RERE: variants seen among roughly 807,000 people sequenced by gnomAD.
RERE encodes arginine-glutamic acid dipeptide repeats.
Under a neutral mutation model 146.1 loss-of-function variants are expected in RERE, and 40 were observed. The ratio of observed to expected loss-of-function variants is 0.27; its 90% CI spans 0.21 to 0.36. RERE has a LOEUF of 0.36. Ranked by LOEUF, RERE falls within the 10% of genes least tolerant of loss-of-function variation. RERE has a pLI of 1.00. For synonymous variants in RERE, 1,003 were observed against 866.0 expected (o/e 1.16, Z -2.78); for missense variants, 1,933 against 2,138.7 (o/e 0.90, Z 1.90).
At chr1:8,457,137 G>GT (rs1409554488) in intron 11 of RERE, among the ~76,000 whole-genome samples, 1 of 152,142 alleles carries the variant, frequency 6.6e-6, no homozygotes, top group Non-Finnish European at 1.5e-5. Context: ...GAGAAACTTG[G>GT]TAAGTAGGAA....
At chr1:8,435,376 C>T (rs1174756501) in intron 11 of RERE, among the ~76,000 whole-genome samples, 2 of 152,228 alleles carry the variant, frequency 1.3e-5, no homozygotes, top group Non-Finnish European at 2.9e-5. Flanking sequence ...TGGTTCAGTA[C>T]AAGAATGTAT....
chr1:8,451,107 A>G (rs986613630), intron 11 of RERE, among the ~76,000 whole-genome samples: 1 of 152,192 alleles, frequency 6.6e-6, no homozygotes, highest in Admixed American at 6.5e-5. Context: ...CTGGGGCTTA[A>G]CTATCCATTA....
In RERE at chr1:8,353,126, AG is replaced by A. The variant is rs1330700682; in HGVS notation, c.*1960del. On this transcript the variant is annotated 3_prime_UTR_variant, in exon 23 of 23. Transcript: ENST00000400908. ...CCCCAGAAGGAAACGAATGCCTTCAAGCCAATGTGGCCTGAAGTCCCACGAC... is the reference window on the plus strand; with the variant it reads ...CCCCAGAAGGAAACGAATGCCTTCAACCAATGTGGCCTGAAGTCCCACGAC... 1 of 152,578 alleles carries A rather than the reference AG, an allele frequency of 6.6e-6. No individual in the cohort carries two copies. The highest frequency in any genetic ancestry group is 1.5e-5 in the Non-Finnish European group (1 of 68,050). The allele number at this position is 152,578 out of a possible 1,614,324, so 9.5% of individuals were successfully genotyped here. A position where few individuals can be genotyped will look rare whatever the true frequency, so the allele number is the denominator to read the frequency against.
chr1:8,460,872 G>A (rs1186209739), intron 11 of RERE, among the ~76,000 whole-genome samples: 1 of 152,154 alleles, frequency 6.6e-6, no homozygotes, highest in Non-Finnish European at 1.5e-5. Context: ...TTACAATCTT[G>A]CAAGTCAAAC....
intron 10 of RERE, among the ~76,000 whole-genome samples, chr1:8,476,419 A>G (rs956734403): frequency 6.6e-6 from 1 of 152,182 alleles, no homozygotes; most frequent in African/African-American, 2.4e-5. Context: ...CTGCAGTGAC[A>G]AAGCAAGCAC....
At chr1:8,572,822 G>A (rs1646238299) in intron 4 of RERE, among the ~76,000 whole-genome samples, 1 of 152,140 alleles carries the variant, frequency 6.6e-6, no homozygotes, top group South Asian at 2.1e-4. Context: ...AATGAAATCT[G>A]CCACTTAGTA....
At chr1:8,805,844 CTTTTTTTTTTTTTT>C (rs70985526) in intron 1 of RERE, 1 of 66,022 alleles carries the variant, frequency 1.5e-5, no homozygotes, top group African/African-American at 6.8e-5. Flanking sequence ...AAACAACCTT[CTTTTTTTTTTTTTT>C]TTTTTTTTTT....
intron 12 of RERE, among the ~76,000 whole-genome samples, chr1:8,408,943 G>A (rs549754508): frequency 1.8e-4 from 27 of 152,240 alleles, no homozygotes; most frequent in African/African-American, 5.3e-4. Flanking sequence ...TAAATGTCCC[G>A]CAATGATTTG....
chr1:8,774,366 T>TTTTTTTTTC, intron 1 of RERE, among the ~76,000 whole-genome samples: 1 of 148,596 alleles, frequency 6.7e-6, no homozygotes, highest in Admixed American at 6.7e-5. Flanking sequence ...TTTTTTTTTT[T>TTTTTTTTTC]TTTTGCTACA....
At chr1:8,539,917 G>A (rs1031150580) in intron 7 of RERE, among the ~76,000 whole-genome samples, 1 of 151,930 alleles carries the variant, frequency 6.6e-6, no homozygotes, top group East Asian at 1.9e-4. Context: ...CAAAAAACAC[G>A]TTCCCTTCTA....
intron 6 of RERE, among the ~76,000 whole-genome samples, chr1:8,546,221 T>C (rs1645859910): frequency 6.6e-6 from 1 of 151,226 alleles, no homozygotes; most frequent in Non-Finnish European, 1.5e-5. Flanking sequence ...GCTCAAGCAA[T>C]CTGCCCAGCT....
intron 12 of RERE, among the ~76,000 whole-genome samples, chr1:8,393,197 C>A (rs1642944035): frequency 6.6e-6 from 1 of 152,210 alleles, no homozygotes; most frequent in Non-Finnish European, 1.5e-5. Flanking sequence ...CTTGATCTTA[C>A]CTTTCCAGAT....
chr1:8,743,080 TAAAA>T (rs1258318152), intron 1 of RERE, among the ~76,000 whole-genome samples: 1 of 151,894 alleles, frequency 6.6e-6, no homozygotes, highest in African/African-American at 2.4e-5. Context: ...CACACTTGTT[TAAAA>T]AAAGACATAA....
intron 12 of RERE, among the ~76,000 whole-genome samples, chr1:8,398,798 A>T (rs577934111): frequency 9.5e-4 from 144 of 152,234 alleles, no homozygotes; most frequent in African/African-American, 3.3e-3. Flanking sequence ...ACATCGAAAA[A>T]TTTGCTATTT....
At chr1:8,427,175 AT>A (rs1185141110) in intron 11 of RERE, among the ~76,000 whole-genome samples, 1 of 152,140 alleles carries the variant, frequency 6.6e-6, no homozygotes, top group Non-Finnish European at 1.5e-5. Context: ...CAACCATGAG[AT>A]GCTGAGGGCC....
chr1:8,776,379 C>T (rs991520310), intron 1 of RERE, among the ~76,000 whole-genome samples: 1 of 152,112 alleles, frequency 6.6e-6, no homozygotes, highest in Non-Finnish European at 1.5e-5. Context: ...CTCGTTGCAA[C>T]CTCTGCTTCC....
intron 1 of RERE, among the ~76,000 whole-genome samples, chr1:8,756,121 C>G (rs955560492): frequency 4.6e-5 from 7 of 151,820 alleles, no homozygotes; most frequent in African/African-American, 1.7e-4. Context: ...ATAGCGAGAC[C>G]CCATCTCCAC....
At chr1:8,607,743 T>TTTTTTTTTA (rs1646739291) in intron 4 of RERE, among the ~76,000 whole-genome samples, 2 of 146,546 alleles carry the variant, frequency 1.4e-5, no homozygotes, top group African/African-American at 5.1e-5. Context: ...TTTTTTTTTT[T>TTTTTTTTTA]GAGATGGAGT....
intron 12 of RERE, among the ~76,000 whole-genome samples, chr1:8,374,412 C>T (rs1642161152): frequency 6.6e-6 from 1 of 152,166 alleles, no homozygotes; most frequent in East Asian, 1.9e-4. Flanking sequence ...TTGTACAGTG[C>T]AAAGGAACTG....
Sources: gnomAD v4.1 joint callset for allele counts (sites outside exome capture counted in the v4.1 genomes callset) on GRCh38, gnomAD v4.1.1 for gene constraint, MANE v1.5 for transcripts, NCBI Gene and HGNC (gene_info 2026-07-23, HGNC 2026-07-21) for gene names.